Variants in BGN observed in about 807,000 individuals in gnomAD.
The protein encoded by BGN is biglycan.
BGN carries 6 observed loss-of-function variants against 20.0 expected under a neutral mutation model. The observed-to-expected ratio is 0.30, with a 90% confidence interval of 0.16 to 0.59. The LOEUF is 0.59. Among genes scored for constraint, BGN ranks in the 20% least tolerant of loss-of-function variants. The pLI, the probability that BGN is intolerant of heterozygous loss-of-function variation, is 0.88. For missense variants in BGN, 292 were observed against 312.1 expected, an observed-to-expected ratio of 0.94 and a Z score of 0.49; for synonymous variants, 146 against 134.6, an observed-to-expected ratio of 1.08 and a Z score of -0.59.
intron 7 of BGN, 136 bp from the exon 8 acceptor site, chrX:153,508,112 C>T: frequency 1.5e-6 from 1 of 667,704 alleles, no homozygotes; most frequent in Non-Finnish European, 2.3e-6. Flanking sequence ...CCTTGGTTTG[C>T]TCCTCCCAAC....
At chrX:153,507,516 G>A (rs1421157400) in intron 7 of BGN, among the ~76,000 whole-genome samples, 2 of 112,842 alleles carry the variant, frequency 1.8e-5, no homozygotes, top group Non-Finnish European at 3.8e-5. Flanking sequence ...CCCAGGGCAG[G>A]AAGTAGGCTG....
chrX:153,496,338 G>T (rs1556990737), intron 1 of BGN, among the ~76,000 whole-genome samples: 1 of 112,975 alleles, frequency 8.9e-6, no homozygotes, highest in Admixed American at 9.2e-5. Context: ...AGCGCCCAGG[G>T]GTGCGGGTGA....
At chrX:153,496,948 GCCCACCC>G (rs782279186) in intron 1 of BGN, among the ~76,000 whole-genome samples, 614 of 57,198 alleles carry the variant, frequency 0.011, 12 homozygotes, top group African/African-American at 0.047. Context: ...TGCTTCCCGG[GCCCACCC>G]CCCACCCCCC....
chrX:153,501,073 CAT>C (rs1395572238), intron 1 of BGN, among the ~76,000 whole-genome samples: 4 of 107,683 alleles, frequency 3.7e-5, no homozygotes, highest in African/African-American at 1.4e-4. Context: ...GATGTGTGTA[CAT>C]ATGTGTTTTG....
chrX:153,497,359 G>A (rs1401877762), intron 1 of BGN, among the ~76,000 whole-genome samples: 1 of 109,780 alleles, frequency 9.1e-6, no homozygotes, highest in African/African-American at 3.3e-5. Context: ...GCTGCAGGCC[G>A]CTGGGTGGGC....
At position 153,504,743 on chromosome X, in the gene BGN, G is replaced by C; in HGVS notation, c.112G>C (p.Asp38His). 1.7e-6 allele frequency: 2 copies of C among 1,211,811 alleles called. No individual in the cohort carries two copies. The highest frequency in any genetic ancestry group is 2.2e-6 in the Non-Finnish European group (2 of 895,451). ...GGACGATGGGCCATTCATGATGAACGATGAGGAAGCTTCGGGCGCTGACAC... is the reference window on the plus strand; with the variant it reads ...GGACGATGGGCCATTCATGATGAACCATGAGGAAGCTTCGGGCGCTGACAC... ...TLDDGPFMMN[D>H]EEASGADTSG... Residue 38 changes from aspartate to histidine, a missense_variant, in exon 2 of 8, where the codon GAT becomes CAT. By Grantham distance (81) the Asp-to-His change is moderately conservative. Transcript: ENST00000331595.
chrX:153,507,710 C>T lies in BGN; in HGVS notation c.909+525C>T, dbSNP rs144138889. Among the ~76,000 whole-genome samples, 6 of 113,632 alleles carry T rather than the reference C, an allele frequency of 5.3e-5. 1 individual carries two copies. The highest frequency in any genetic ancestry group is 1.6e-4 in the African/African-American group (5 of 31,417). On this transcript the variant is annotated intron_variant, in intron 7 of 7. Transcript: ENST00000331595. The stretch of plus-strand genomic sequence containing the variant: ...GGCCATGCCCATGCTGGGCCGAGTG[C>T]GCCCTCTAGTGGCCATTGTCATGTT...
intron 1 of BGN, 39 bp from the exon 2 acceptor site, chrX:153,504,581 TG>T: frequency 9.5e-7 from 1 of 1,051,210 alleles, no homozygotes; most frequent in East Asian, 3.1e-5. Context: ...AGAAGACAGG[TG>T]GGTGCTGGTG....
chrX:153,502,392 C>G (rs1053849631), intron 1 of BGN, among the ~76,000 whole-genome samples: 4 of 112,012 alleles, frequency 3.6e-5, no homozygotes, highest in Non-Finnish European at 7.6e-5. Flanking sequence ...CTCCTCCCTC[C>G]CCCACTCCAT....
In BGN at chrX:153,508,550, C is replaced by T. The variant is rs974691191; in HGVS notation, c.*105C>T. On this transcript the variant is annotated 3_prime_UTR_variant, in exon 8 of 8. Transcript: ENST00000331595. ...AGGAAGCTAAGCCAGGGCCCAGCTG[C>T]GTCCAACCCAGCCCCCCACCTCGGG... 2.3e-5 allele frequency: 22 copies of T among 948,334 alleles called. 1 individual carries two copies. The highest frequency in any genetic ancestry group is 1.2e-4 in the South Asian group (5 of 42,351). The allele number at this position is 948,334 out of a possible 1,213,427, so 78.2% of individuals were successfully genotyped here. A position where few individuals can be genotyped will look rare whatever the true frequency, so the allele number is the denominator to read the frequency against.
chrX:153,505,707 G>A (rs1280506869), intron 3 of BGN, among the ~76,000 whole-genome samples, 156 bp from the exon 4 acceptor site: 10 of 110,555 alleles, frequency 9.0e-5, no homozygotes, highest in East Asian at 2.8e-4. Flanking sequence ...GCTCAGGACC[G>A]GGCCTGGGTG....
At position 153,504,644 on chromosome X, in the gene BGN, T is replaced by A; in HGVS notation, c.13T>A (p.Trp5Arg). Reference sequence around the variant, plus strand: ...AGGTCCATCCGCCATGTGGCCCCTGTGGCGCCTCGTGTCTCTGCTGGCCCT... The same window carrying A: ...AGGTCCATCCGCCATGTGGCCCCTGAGGCGCCTCGTGTCTCTGCTGGCCCT... MWPLWRLVSLLALSQ... is the reference protein window; with the variant it reads MWPLRRLVSLLALSQ... The change falls in exon 2 of 8, where the codon TGG (tryptophan) becomes AGG (arginine). Residue 5 changes from tryptophan to arginine, a missense_variant. Transcript: ENST00000331595. 1 of 1,206,135 alleles carries A rather than the reference T, an allele frequency of 8.3e-7. No homozygotes were observed. The highest frequency in any genetic ancestry group is 1.1e-6 in the Non-Finnish European group (1 of 891,378).
chrX:153,499,382 T>C (rs62594118), intron 1 of BGN, among the ~76,000 whole-genome samples: 31,499 of 111,453 alleles, frequency 0.28, 3,533 homozygotes, highest in Middle Eastern at 0.42. Flanking sequence ...GACCTTGACA[T>C]GGGCGCCACA....
Position 153,508,634 on chromosome X carries a change from T to C in BGN, c.*189T>C. 1.9e-6 allele frequency: 1 copy of C among 519,736 alleles called. No homozygotes were observed. The highest frequency in any genetic ancestry group is 3.1e-6 in the Non-Finnish European group (1 of 323,211). The allele number at this position is 519,736 out of a possible 1,213,427, so 42.8% of individuals were successfully genotyped here. ...TCTCCCTGGCTCCCAAGGGTGCAGG[T>C]GGGCGCAAGGCCCGGCCCCCATCAC... On this transcript the variant is annotated 3_prime_UTR_variant, in exon 8 of 8. Transcript: ENST00000331595.
rs1011782727 is a variant in BGN, at chrX:153,504,722, G to A, written c.91G>A (p.Asp31Asn). 7 of 1,211,902 alleles carry A rather than the reference G, an allele frequency of 5.8e-6. No individual in the cohort carries two copies. The highest frequency in any genetic ancestry group is 1.8e-5 in the South Asian group (1 of 57,007). The change falls in exon 2 of 8, where the codon GAT becomes AAT. Residue 31 changes from aspartate to asparagine, a missense_variant. Asp to Asn is a conservative substitution (Grantham distance 23, BLOSUM62 1). Coordinates refer to ENST00000331595, the MANE Select transcript of BGN (RefSeq NM_001711.6). ...QRGFWDFTLD[D>N]GPFMMNDEEA... ...AGGCTTCTGGGACTTCACCCTGGAC[G>A]ATGGGCCATTCATGATGAACGATGA...
intron 1 of BGN, among the ~76,000 whole-genome samples, chrX:153,500,791 A>ACG: frequency 9.3e-6 from 1 of 107,681 alleles, no homozygotes; most frequent in East Asian, 3.1e-4. Flanking sequence ...ATGTGTGTGC[A>ACG]TGTGTGTATG....
chrX:153,505,382 A>G, intron 3 of BGN, 32 bp downstream of exon 3: 1 of 1,141,837 alleles, frequency 8.8e-7, no homozygotes. Flanking sequence ...GCAGGCCTAC[A>G]GCAGAGGGCA....
intron 1 of BGN, among the ~76,000 whole-genome samples, chrX:153,502,258 C>T (rs1315982535): frequency 8.9e-6 from 1 of 112,625 alleles, no homozygotes; most frequent in African/African-American, 3.2e-5. Context: ...CCAACCCTAC[C>T]TGTCCAGGTG....
chrX:153,495,595 C>T (rs1602969302), intron 1 of BGN: 1 of 110,109 alleles, frequency 9.1e-6, no homozygotes, highest in East Asian at 2.9e-4. Context: ...TGGGTCGGAT[C>T]GGGGAGGACC....
Sources: gnomAD v4.1 joint callset for allele counts (sites outside exome capture counted in the v4.1 genomes callset) on GRCh38, gnomAD v4.1.1 for gene constraint, MANE v1.5 for transcripts, NCBI Gene and HGNC (gene_info 2026-07-23, HGNC 2026-07-21) for gene names.